Variants in TRAK1 observed in about 807,000 individuals in gnomAD.
TRAK1 encodes the protein trafficking kinesin-binding protein 1.
A neutral mutation model predicts 92.1 loss-of-function variants in TRAK1; 33 were observed. The ratio of observed to expected loss-of-function variants is 0.36; its 90% CI spans 0.27 to 0.48. The LOEUF (loss-of-function observed/expected upper bound fraction) is 0.48, where lower values mean the gene tolerates loss of function less well. TRAK1 is among the 20% of genes least tolerant of loss of function. The pLI is 0.99. For synonymous variants in TRAK1, 521 were observed against 517.3 expected, an observed-to-expected ratio of 1.01 and a Z score of -0.10; for missense variants, 1,123 against 1,257.9, an observed-to-expected ratio of 0.89 and a Z score of 1.62.
chr3:42,162,580 T>G (rs1453756045), intron 2 of TRAK1, among the ~76,000 whole-genome samples: 1 of 152,178 alleles, frequency 6.6e-6, no homozygotes, highest in Non-Finnish European at 1.5e-5. Flanking sequence ...ACAGTTCCTT[T>G]CCTGTAATTC....
chr3:42,134,743 T>G (rs1398618186), intron 2 of TRAK1, among the ~76,000 whole-genome samples: 1 of 151,802 alleles, frequency 6.6e-6, no homozygotes, highest in Non-Finnish European at 1.5e-5. Context: ...CACGCCCGGC[T>G]AATTTTTTTG....
intron 2 of TRAK1, chr3:42,160,614 G>T (rs577111871): frequency 5.5e-5 from 50 of 913,092 alleles, no homozygotes; most frequent in Non-Finnish European, 7.6e-5. Flanking sequence ...TATGCAAATG[G>T]CTTAAAGGTG....
At chr3:42,092,594 G>A (rs1705216134) in intron 1 of TRAK1, among the ~76,000 whole-genome samples, 1 of 152,104 alleles carries the variant, frequency 6.6e-6, no homozygotes, top group Non-Finnish European at 1.5e-5. Context: ...AGTGAGAATT[G>A]CCTAGGAAAA....
At chr3:42,015,994 G>A (rs201798608) in intron 1 of TRAK1, among the ~76,000 whole-genome samples, 6 of 152,030 alleles carry the variant, frequency 3.9e-5, no homozygotes, top group South Asian at 2.1e-4. Flanking sequence ...CCAAGATCCC[G>A]CCACTGCACT....
intron 14 of TRAK1, chr3:42,211,093 C>T (rs533747884): frequency 7.1e-5 from 70 of 985,418 alleles, no homozygotes; most frequent in Non-Finnish European, 8.3e-5. Context: ...TTGTCATCCT[C>T]ATGACATTCC....
upstream of TRAK1, among the ~76,000 whole-genome samples, chr3:42,090,290 G>T (rs776757515): frequency 3.9e-5 from 6 of 152,200 alleles, no homozygotes; most frequent in Non-Finnish European, 7.3e-5. Flanking sequence ...GGATTCTAGT[G>T]GCATCTGTAC....
At chr3:42,198,498 G>C (rs1707067868) in intron 10 of TRAK1, among the ~76,000 whole-genome samples, 1 of 152,218 alleles carries the variant, frequency 6.6e-6, no homozygotes, top group African/African-American at 2.4e-5. Flanking sequence ...TGGATAGTTG[G>C]CGGTGAGAGG....
chr3:42,188,481 C>G (rs1458850880), intron 5 of TRAK1, among the ~76,000 whole-genome samples: 1 of 152,168 alleles, frequency 6.6e-6, no homozygotes, highest in Non-Finnish European at 1.5e-5. Flanking sequence ...GTGGCAGGTC[C>G]TTGGGACAGA....
At chr3:42,152,987 T>G (rs192840017) in intron 2 of TRAK1, among the ~76,000 whole-genome samples, 2 of 152,280 alleles carry the variant, frequency 1.3e-5, no homozygotes, top group African/African-American at 2.4e-5. Context: ...GTTGGAACCT[T>G]TATGGAGTGT....
At position 42,202,299 on chromosome 3, in the gene TRAK1, T is replaced by C; in HGVS notation, c.1428-137T>C. ...AATTTATTTCCCCCTGTTGCCTAAATGTCAACTGCTTGCCTTGGTTCCCAT... is the reference window on the plus strand; with the variant it reads ...AATTTATTTCCCCCTGTTGCCTAAACGTCAACTGCTTGCCTTGGTTCCCAT... On this transcript the variant is annotated intron_variant, in intron 12 of 15. Transcript: ENST00000327628. The surrounding 1 kb of genome is among the most constrained non-coding windows in gnomAD (Gnocchi z 6.1). The C allele has an allele frequency of 1.0e-6, 1 of 961,282 alleles. No individual in the cohort carries two copies. Among genetic ancestry groups the C allele is most frequent in the Non-Finnish European group, 1.4e-6 (1 of 715,414 alleles). The allele number at this position is 961,282 out of a possible 1,614,324, so 59.5% of individuals were successfully genotyped here.
intron 1 of TRAK1, among the ~76,000 whole-genome samples, chr3:42,100,820 C>A (rs1165154849): frequency 1.3e-5 from 2 of 151,604 alleles, no homozygotes; most frequent in Non-Finnish European, 2.9e-5. Flanking sequence ...GCACCTGCCA[C>A]CACACCTGGC....
chr3:42,161,590 T>G (rs1475117500), intron 2 of TRAK1, among the ~76,000 whole-genome samples: 15 of 152,234 alleles, frequency 9.9e-5, no homozygotes, highest in Admixed American at 7.2e-4. Context: ...CTCACTAAGT[T>G]GCCCAGGCTG....
chr3:42,222,296 G>C (rs1710437085), intron 15 of TRAK1, among the ~76,000 whole-genome samples: 1 of 152,166 alleles, frequency 6.6e-6, no homozygotes, highest in Non-Finnish European at 1.5e-5. Flanking sequence ...TGGTTAGAAT[G>C]GATTTGGGCA....
intron 1 of TRAK1, among the ~76,000 whole-genome samples, chr3:42,123,409 G>A (rs991404685): frequency 1.3e-5 from 2 of 151,518 alleles, no homozygotes; most frequent in South Asian, 4.1e-4. Flanking sequence ...CTTTGGTTCT[G>A]CAGTGAATCC....
chr3:42,111,599 G>A (rs1005345545), intron 1 of TRAK1, among the ~76,000 whole-genome samples: 10 of 152,086 alleles, frequency 6.6e-5, no homozygotes, highest in Non-Finnish European at 1.2e-4. Context: ...GTTTCACTGT[G>A]TTAGCCAGGG....
At chr3:42,042,968 C>T (rs560168041) in intron 1 of TRAK1, among the ~76,000 whole-genome samples, 23 of 152,226 alleles carry the variant, frequency 1.5e-4, no homozygotes, top group African/African-American at 5.3e-4. Context: ...AGAATGATCT[C>T]AGATTCTTAT....
In TRAK1 at chr3:42,222,966, T is replaced by C; in HGVS notation, c.2091T>C (p.Ala697=). ...GCCTTAACTCAGCCCCAACTCCAGC[T>C]TGTGGCAGCACCAGCCACTTGAAAT... is the stretch of plus-strand genomic sequence containing the variant. ...TPSLNSAPTP[A]CGSTSHLKST... is the part of the protein sequence containing the mutation. Residue 697 remains alanine, a synonymous_variant, in exon 16 of 16, where the codon GCT becomes GCC. Coordinates refer to ENST00000327628, the MANE Select transcript of TRAK1 (RefSeq NM_001042646.3). 1 of 1,613,824 alleles carries C rather than the reference T, an allele frequency of 6.2e-7. No individual in the cohort carries two copies. Among genetic ancestry groups the C allele is most frequent in the Non-Finnish European group, 8.5e-7 (1 of 1,179,758 alleles).
intron 1 of TRAK1, among the ~76,000 whole-genome samples, chr3:42,049,007 C>T (rs569080093): frequency 1.9e-4 from 29 of 152,068 alleles, no homozygotes; most frequent in Admixed American, 8.5e-4. Context: ...TCTGCATCAG[C>T]CTTTTGAATA....
chr3:42,138,874 GGGGTGTGTGTGTGTGT>G lies in TRAK1; in HGVS notation c.286+13262_286+13277del, dbSNP rs1321898005. On this transcript the variant is annotated intron_variant, in intron 2 of 15. Transcript: ENST00000327628. ...GGTGGTGACCTAAAAGAAAGCATAG[GGGGTGTGTGTGTGTGT>G]GTGTGTGTGTGTGTGTGTGTGTGTG... Among the ~76,000 whole-genome samples, 39 of 51,058 alleles carry G rather than the reference GGGGTGTGTGTGTGTGT, an allele frequency of 7.6e-4. 1 individual carries two copies. The highest frequency in any genetic ancestry group is 1.3e-3 in the East Asian group (2 of 1,572). 33.5% of individuals were successfully genotyped at this position (51,058 alleles called of 152,430 possible).
Sources: allele counts gnomAD v4.1 joint callset (sites outside exome capture counted in the v4.1 genomes callset), GRCh38; gene constraint gnomAD v4.1.1; non-coding constraint Gnocchi (gnomAD v3.1); transcripts MANE v1.5; gene names NCBI Gene and HGNC (gene_info 2026-07-23, HGNC 2026-07-21).